CDH12: variants seen among roughly 807,000 people sequenced by gnomAD.
CDH12 encodes cadherin-12.
CDH12 carries 41 observed loss-of-function variants against 74.1 expected under a neutral mutation model. The observed-to-expected ratio is 0.55, with a 90% confidence interval of 0.43 to 0.72. The LOEUF (loss-of-function observed/expected upper bound fraction) is 0.72. Ranked by LOEUF, CDH12 falls within the 30% of genes least tolerant of loss-of-function variation. The pLI, the probability that CDH12 is intolerant of heterozygous loss-of-function variation, is 0.00. For synonymous variants in CDH12, 399 were observed against 355.0 expected (o/e 1.12, Z -1.39); for missense variants, 945 against 977.2 (o/e 0.97, Z 0.44).
chr5:22,322,004 CG>C (rs751852389), intron 3 of CDH12, among the ~76,000 whole-genome samples: 11 of 152,110 alleles, frequency 7.2e-5, no homozygotes, highest in Non-Finnish European at 1.5e-4. Flanking sequence ...ATAGCAAATT[CG>C]TTATCTATTT....
At chr5:21,860,899 C>T (rs746342803) in intron 6 of CDH12, among the ~76,000 whole-genome samples, 13 of 152,112 alleles carry the variant, frequency 8.5e-5, no homozygotes, top group South Asian at 2.1e-4. Flanking sequence ...CTTCACCTTG[C>T]GATCTTGTGA....
intron 1 of CDH12, among the ~76,000 whole-genome samples, chr5:22,551,920 C>A (rs1021028845): frequency 2.0e-5 from 3 of 152,090 alleles, no homozygotes; most frequent in Non-Finnish European, 2.9e-5. Flanking sequence ...TATCTTACAT[C>A]ACAATCTTAC....
At chr5:22,603,858 A>C (rs72637711) in intron 1 of CDH12, among the ~76,000 whole-genome samples, 10,526 of 152,264 alleles carry the variant, frequency 0.069, 451 homozygotes, top group East Asian at 0.24. Context: ...TAAAATGGAA[A>C]AAGAATTGAA....
chr5:22,195,548 T>C (rs1338782148), intron 4 of CDH12, among the ~76,000 whole-genome samples: 1 of 152,238 alleles, frequency 6.6e-6, no homozygotes, highest in East Asian at 1.9e-4. Flanking sequence ...GGAAAAACAA[T>C]TATTATTTTT....
intron 1 of CDH12, among the ~76,000 whole-genome samples, chr5:22,738,709 G>GA (rs1248178352): frequency 6.6e-6 from 1 of 151,810 alleles, no homozygotes; most frequent in East Asian, 1.9e-4. Context: ...AAAATATTGG[G>GA]AAAAAATAAA....
rs35625153 is a variant in CDH12, at chr5:22,184,020, T to TAA, written c.-187+28476_-187+28477dup. ...AAAGGAAGAATAAATACCCTAGTGATAAAAAAAAAAAAATTACAAAGTATG... is the reference window on the plus strand; with the variant it reads ...AAAGGAAGAATAAATACCCTAGTGATAAAAAAAAAAAAAAATTACAAAGTATG... On this transcript the variant is annotated intron_variant, in intron 4 of 14. Transcript: ENST00000382254. 3.4e-3 allele frequency among the ~76,000 whole-genome samples: 502 copies of TAA among 145,774 alleles called. 3 individuals are homozygous for TAA. Among genetic ancestry groups the TAA allele is most frequent in the African/African-American group, 0.012 (492 of 40,026 alleles).
chr5:22,372,643 C>T (rs1244357409), intron 3 of CDH12, among the ~76,000 whole-genome samples: 1 of 152,116 alleles, frequency 6.6e-6, no homozygotes, highest in Non-Finnish European at 1.5e-5. Context: ...AAACAAACCT[C>T]ACTGCCAATG....
At chr5:22,426,471 C>G (rs1743945228) in intron 2 of CDH12, among the ~76,000 whole-genome samples, 1 of 151,754 alleles carries the variant, frequency 6.6e-6, no homozygotes. Flanking sequence ...TTTGACTTCC[C>G]ATGAGACAAA....
chr5:22,345,840 A>G (rs1320785508), intron 3 of CDH12, among the ~76,000 whole-genome samples: 2 of 152,238 alleles, frequency 1.3e-5, no homozygotes, highest in Non-Finnish European at 2.9e-5. Context: ...ACAGTGGCTC[A>G]TGCCTGTAAT....
chr5:22,787,015 T>A (rs1233633132), intron 1 of CDH12, among the ~76,000 whole-genome samples: 1 of 152,060 alleles, frequency 6.6e-6, no homozygotes, highest in Non-Finnish European at 1.5e-5. Context: ...ATTAATTTAT[T>A]AATTTTGACT....
chr5:22,068,313 C>T (rs1741706451), intron 5 of CDH12, among the ~76,000 whole-genome samples: 2 of 152,164 alleles, frequency 1.3e-5, no homozygotes, highest in Admixed American at 1.3e-4. Flanking sequence ...TCACGTGCTC[C>T]CTATCAGCTG....
intron 6 of CDH12, among the ~76,000 whole-genome samples, chr5:21,942,350 A>ATATATATATATATATATATATG (rs1755373584): frequency 6.5e-5 from 1 of 15,272 alleles, no homozygotes; most frequent in African/African-American, 1.1e-4. Context: ...ATATATATAC[A>ATATATATATATATATATATATG]CACACACACA....
chr5:22,229,872 C>G (rs2150374219), intron 3 of CDH12, among the ~76,000 whole-genome samples: 1 of 152,118 alleles, frequency 6.6e-6, no homozygotes, highest in East Asian at 1.9e-4. Flanking sequence ...CACACACACA[C>G]ACACACACAG....
At chr5:22,371,999 C>T (rs533614365) in intron 3 of CDH12, among the ~76,000 whole-genome samples, 30 of 152,190 alleles carry the variant, frequency 2.0e-4, no homozygotes, top group East Asian at 7.8e-4. Context: ...AGTTTGGATT[C>T]AGTTTGAAGA....
At position 22,215,674 on chromosome 5, in the gene CDH12, T is replaced by G. The variant is rs532919555; in HGVS notation, c.-332-3031A>C. Reference sequence around the variant, plus strand: ...AAAATATATTAGACCAAAATTATGATGATTTTTACTAACCTAGTTCTCCAA... The same window carrying G: ...AAAATATATTAGACCAAAATTATGAGGATTTTTACTAACCTAGTTCTCCAA... On this transcript the variant is annotated intron_variant, in intron 3 of 14. Transcript: ENST00000382254. Among the ~76,000 whole-genome samples the G allele has an allele frequency of 2.6e-3, 399 of 152,284 alleles. 2 individuals carry two copies. The highest frequency in any genetic ancestry group is 0.01 in the Middle Eastern group (3 of 294).
intron 1 of CDH12, among the ~76,000 whole-genome samples, chr5:22,839,745 G>C (rs1737001630): frequency 6.6e-6 from 1 of 152,154 alleles, no homozygotes; most frequent in South Asian, 2.1e-4. Flanking sequence ...CACATAAGTA[G>C]ACACATGTTT....
At chr5:21,783,038 A>C (rs1447839423) in intron 11 of CDH12, among the ~76,000 whole-genome samples, 1 of 152,158 alleles carries the variant, frequency 6.6e-6, no homozygotes, top group Non-Finnish European at 1.5e-5. Flanking sequence ...TGAAATACCC[A>C]ATGATATGTA....
chr5:21,963,128 G>GAT (rs1756437651), intron 6 of CDH12, among the ~76,000 whole-genome samples: 5 of 149,876 alleles, frequency 3.3e-5, no homozygotes, highest in African/African-American at 1.2e-4. Flanking sequence ...GATAGATAGA[G>GAT]AGATGATATA....
At chr5:21,873,009 T>C (rs962492980) in intron 6 of CDH12, among the ~76,000 whole-genome samples, 1 of 152,124 alleles carries the variant, frequency 6.6e-6, no homozygotes, top group Admixed American at 6.6e-5. Context: ...TATATATGCA[T>C]ATATAGTATA....
Sources: gnomAD v4.1 joint callset for allele counts (sites outside exome capture counted in the v4.1 genomes callset) on GRCh38, gnomAD v4.1.1 for gene constraint, MANE v1.5 for transcripts, NCBI Gene and HGNC (gene_info 2026-07-23, HGNC 2026-07-21) for gene names.